The following STK4 variants were observed in gnomAD, a reference collection of about 807,000 sequenced individuals.
The protein encoded by STK4 is serine/threonine kinase 4, also known as serine/threonine-protein kinase 4.
STK4 carries 30 observed loss-of-function variants against 64.9 expected under a neutral mutation model. The ratio of observed to expected loss-of-function variants is 0.46; its 90% CI spans 0.35 to 0.63. STK4 has a LOEUF of 0.63. Among genes scored for constraint, STK4 ranks in the 20% least tolerant of loss-of-function variants. The pLI is 0.01. For synonymous variants in STK4, 177 were observed against 199.0 expected (o/e 0.89, Z 0.93); for missense variants, 466 against 598.5 (o/e 0.78, Z 2.31).
chr20:45,011,114 T>C (rs1400877232), intron 9 of STK4, among the ~76,000 whole-genome samples: 1 of 152,176 alleles, frequency 6.6e-6, no homozygotes, highest in Admixed American at 6.5e-5. Flanking sequence ...CTTCTTCTAT[T>C]TGTCTAGATA....
Position 45,077,743 on chromosome 20 carries a change from C to T in STK4, c.*2567C>T, listed in dbSNP as rs1169332464. On this transcript the variant is annotated 3_prime_UTR_variant, in exon 11 of 11. Coordinates refer to ENST00000372806, the MANE Select transcript of STK4 (RefSeq NM_006282.5). The stretch of plus-strand genomic sequence containing the variant: ...CTTGGCCAGAGAGGAGGAGAAAGCC[C>T]ATTTTCTCCCTTCCTAAGCTAGATC... The T allele has an allele frequency of 2.0e-5, 3 of 152,146 alleles. No homozygotes were observed. Among genetic ancestry groups the T allele is most frequent in the Admixed American group, 1.3e-4 (2 of 15,270 alleles). 9.4% of individuals were successfully genotyped at this position (152,146 alleles called of 1,614,324 possible).
intron 10 of STK4, among the ~76,000 whole-genome samples, chr20:45,062,639 C>T (rs780182928): frequency 2.6e-5 from 4 of 152,032 alleles, no homozygotes; most frequent in South Asian, 4.1e-4. Flanking sequence ...TGATGTGAGA[C>T]GATAATCTTA....
chr20:44,972,187 A>C, intron 2 of STK4, 29 bp downstream of exon 2: 1 of 1,588,064 alleles, frequency 6.3e-7, no homozygotes, highest in Non-Finnish European at 8.6e-7. Context: ...TAGGTAGGTC[A>C]TTGGGTCCCA....
At chr20:45,059,054 A>C (rs148514708) in intron 10 of STK4, among the ~76,000 whole-genome samples, 14 of 152,264 alleles carry the variant, frequency 9.2e-5, no homozygotes, top group African/African-American at 3.4e-4. Context: ...CCCCCACTGG[A>C]CACCTGAAAC....
chr20:45,052,177 G>T (rs1432588409), intron 10 of STK4, among the ~76,000 whole-genome samples: 2 of 152,042 alleles, frequency 1.3e-5, no homozygotes, highest in Non-Finnish European at 2.9e-5. Context: ...ATGTTACAAT[G>T]CTATTTTGTT....
intron 10 of STK4, among the ~76,000 whole-genome samples, chr20:45,045,051 CATTTT>C (rs2068671883): frequency 1.3e-5 from 2 of 152,138 alleles, no homozygotes; most frequent in South Asian, 4.1e-4. Flanking sequence ...TTTTATTTCA[CATTTT>C]ATTTTACTAT....
chr20:44,969,749 G>A (rs561008152), intron 1 of STK4, among the ~76,000 whole-genome samples: 3 of 152,266 alleles, frequency 2.0e-5, no homozygotes, highest in Non-Finnish European at 2.9e-5. Flanking sequence ...TGGAACCTGG[G>A]GAAGTCCCAG....
At chr20:44,993,245 T>A (rs970561836) in intron 5 of STK4, among the ~76,000 whole-genome samples, 1 of 120,494 alleles carries the variant, frequency 8.3e-6, no homozygotes, top group Non-Finnish European at 1.9e-5. Context: ...ATATATATGA[T>A]ATATATGTAC....
At chr20:45,047,458 G>A (rs749028958) in intron 10 of STK4, among the ~76,000 whole-genome samples, 6 of 152,154 alleles carry the variant, frequency 3.9e-5, no homozygotes, top group Admixed American at 6.5e-5. Flanking sequence ...AGCCCTTAGC[G>A]AATTGCCATA....
chr20:44,990,153 T>C (rs1302993975), intron 5 of STK4, among the ~76,000 whole-genome samples: 1 of 152,240 alleles, frequency 6.6e-6, no homozygotes, highest in African/African-American at 2.4e-5. Context: ...TTTGGCAATA[T>C]TGTCTTCCGA....
chr20:45,007,495 C>G (rs897292562), intron 9 of STK4, among the ~76,000 whole-genome samples: 1 of 151,416 alleles, frequency 6.6e-6, no homozygotes, highest in Non-Finnish European at 1.5e-5. Flanking sequence ...TGCAGTGAGC[C>G]GAAATCGCGC....
chr20:45,022,889 T>C (rs7265342), intron 9 of STK4, among the ~76,000 whole-genome samples: 1,952 of 152,322 alleles, frequency 0.013, 38 homozygotes, highest in African/African-American at 0.044. Context: ...AATGGATGGA[T>C]GGATAAACAG....
At chr20:44,986,404 A>G (rs2067530489) in intron 4 of STK4, among the ~76,000 whole-genome samples, 1 of 152,232 alleles carries the variant, frequency 6.6e-6, no homozygotes, top group Non-Finnish European at 1.5e-5. Context: ...AGGAACAGCA[A>G]GGAAGCAAGC....
At chr20:45,067,067 G>A (rs919223983) in intron 10 of STK4, among the ~76,000 whole-genome samples, 1 of 152,156 alleles carries the variant, frequency 6.6e-6, no homozygotes, top group Non-Finnish European at 1.5e-5. Context: ...CATCAAGAAA[G>A]AGTAAGTATC....
intron 2 of STK4, among the ~76,000 whole-genome samples, chr20:44,976,517 G>C (rs953870400): frequency 6.6e-6 from 1 of 152,224 alleles, no homozygotes; most frequent in African/African-American, 2.4e-5. Context: ...ATTACCCATG[G>C]AAAATGATAA....
intron 10 of STK4, among the ~76,000 whole-genome samples, chr20:45,047,230 G>A (rs1296666503): frequency 6.6e-6 from 1 of 152,258 alleles, no homozygotes; most frequent in East Asian, 1.9e-4. Flanking sequence ...AGATCTTATA[G>A]ATCTTATTCC....
At chr20:45,056,623 AT>A (rs1211748430) in intron 10 of STK4, among the ~76,000 whole-genome samples, 2 of 152,122 alleles carry the variant, frequency 1.3e-5, no homozygotes, top group African/African-American at 4.8e-5. Context: ...AGGTTTTATC[AT>A]TTTGAAAGTT....
chr20:45,023,895 C>CTTTTT lies in STK4; in HGVS notation c.1148-1059_1148-1055dup, dbSNP rs752584355. ...TTTTATACCTGTTCAATACTAACTT[C>CTTTTT]TTTTTTTTTTTTTTTTTTTTTTTGA... On this transcript the variant is annotated intron_variant, in intron 9 of 10. Transcript: ENST00000372806. 5.1e-4 allele frequency among the ~76,000 whole-genome samples: 57 copies of CTTTTT among 111,324 alleles called. 1 individual carries two copies. Among genetic ancestry groups the CTTTTT allele is most frequent in the African/African-American group, 9.3e-4 (25 of 26,844 alleles). 73.0% of individuals were successfully genotyped at this position (111,324 alleles called of 152,430 possible). A position where few individuals can be genotyped will look rare whatever the true frequency, so the allele number is the denominator to read the frequency against.
chr20:45,040,629 A>G (rs1215133036), intron 10 of STK4, among the ~76,000 whole-genome samples: 2 of 141,688 alleles, frequency 1.4e-5, no homozygotes, highest in Non-Finnish European at 3.1e-5. Flanking sequence ...ACCTGGAAAC[A>G]GACCTTTTTT....
Sources: gnomAD v4.1 joint callset for allele counts (sites outside exome capture counted in the v4.1 genomes callset) on GRCh38, gnomAD v4.1.1 for gene constraint, MANE v1.5 for transcripts, NCBI Gene and HGNC (gene_info 2026-07-23, HGNC 2026-07-21) for gene names.